PTPRT: variants seen among roughly 807,000 people sequenced by gnomAD.
PTPRT encodes the protein receptor-type tyrosine-protein phosphatase T.
Under a neutral mutation model 176.8 loss-of-function variants are expected in PTPRT, and 56 were observed. The ratio of observed to expected loss-of-function variants is 0.32; its 90% confidence interval spans 0.26 to 0.40. PTPRT has a LOEUF of 0.40. Among genes scored for constraint, PTPRT ranks in the 10% least tolerant of loss-of-function variants. PTPRT has a pLI of 1.00. For synonymous variants in PTPRT, 783 were observed against 739.0 expected, an observed-to-expected ratio of 1.06 and a Z score of -0.96; for missense variants, 1,540 against 1,908.2, an observed-to-expected ratio of 0.81 and a Z score of 3.60.
At chr20:42,503,731 G>T (rs1411719590) in intron 7 of PTPRT, among the ~76,000 whole-genome samples, 1 of 151,808 alleles carries the variant, frequency 6.6e-6, no homozygotes, top group Non-Finnish European at 1.5e-5. Flanking sequence ...CTAGTTATTT[G>T]TCTACTTTGT....
intron 7 of PTPRT, among the ~76,000 whole-genome samples, chr20:42,535,642 A>G (rs1355621826): frequency 6.6e-6 from 1 of 152,154 alleles, no homozygotes; most frequent in East Asian, 1.9e-4. Context: ...ACTTTTGGGG[A>G]ATAAAAGGGC....
chr20:42,640,660 G>T (rs573694913), intron 7 of PTPRT, among the ~76,000 whole-genome samples: 1 of 152,040 alleles, frequency 6.6e-6, no homozygotes, highest in Non-Finnish European at 1.5e-5. Flanking sequence ...TACCTGCCAT[G>T]CCACCCAGCG....
chr20:42,531,102 G>A (rs1453011220), intron 7 of PTPRT, among the ~76,000 whole-genome samples: 1 of 152,204 alleles, frequency 6.6e-6, no homozygotes, highest in Non-Finnish European at 1.5e-5. Context: ...TTGTAATCCT[G>A]TCAAGTTGGC....
intron 1 of PTPRT, among the ~76,000 whole-genome samples, chr20:43,036,474 A>T (rs930915632): frequency 2.0e-5 from 3 of 152,214 alleles, no homozygotes. Flanking sequence ...GGGAGGAATA[A>T]CTGTCCTCAA....
At chr20:42,278,680 C>T (rs1218699984) in intron 13 of PTPRT, among the ~76,000 whole-genome samples, 1 of 152,170 alleles carries the variant, frequency 6.6e-6, no homozygotes, top group African/African-American at 2.4e-5. Flanking sequence ...ACAATTTTCC[C>T]TTGGCCTGCT....
chr20:42,555,462 C>G (rs970889394), intron 7 of PTPRT, among the ~76,000 whole-genome samples: 2 of 152,086 alleles, frequency 1.3e-5, no homozygotes, highest in Non-Finnish European at 2.9e-5. Flanking sequence ...AATAAAGCAG[C>G]AATCACGGCA....
intron 16 of PTPRT, among the ~76,000 whole-genome samples, chr20:42,170,222 A>C: frequency 6.6e-6 from 1 of 152,218 alleles, no homozygotes; most frequent in East Asian, 1.9e-4. Context: ...ATTCATGGGC[A>C]TCTCATTCAA....
rs1057358688 is a variant in PTPRT at position 42,605,123 on chromosome 20, G to C, written c.1153+72743C>G. Among the ~76,000 whole-genome samples the C allele has an allele frequency of 6.6e-5, 10 of 152,222 alleles. 1 individual carries two copies. The highest frequency in any genetic ancestry group is 2.4e-4 in the African/African-American group (10 of 41,462). On this transcript the variant is annotated intron_variant, in intron 7 of 30. Transcript: ENST00000373187. ...GCACTACAGGGAGAGGCACATGCAA[G>C]GCACAGGCCTCTATGAATGCCTGAG...
intron 1 of PTPRT, among the ~76,000 whole-genome samples, chr20:43,114,571 A>G (rs779561574): frequency 4.6e-5 from 7 of 152,246 alleles, no homozygotes; most frequent in East Asian, 3.8e-4. Context: ...TAAAATACAT[A>G]GAGTTTGAGA....
intron 1 of PTPRT, among the ~76,000 whole-genome samples, chr20:43,113,766 A>G (rs1473204169): frequency 6.6e-6 from 1 of 152,234 alleles, no homozygotes; most frequent in Non-Finnish European, 1.5e-5. Flanking sequence ...GGAGGGAAGG[A>G]AACATGCCAC....
At chr20:42,827,420 T>C (rs208234) in intron 2 of PTPRT, among the ~76,000 whole-genome samples, 107,262 of 152,076 alleles carry the variant, frequency 0.71, 38,016 homozygotes, top group East Asian at 0.83. Flanking sequence ...CATGCAATTT[T>C]ATGAAAATTA....
chr20:42,274,785 T>C (rs995922050), intron 13 of PTPRT, among the ~76,000 whole-genome samples: 1 of 152,122 alleles, frequency 6.6e-6, no homozygotes, highest in Admixed American at 6.6e-5. Context: ...TGAAGAAAGT[T>C]GAGGATTTCT....
intron 9 of PTPRT, among the ~76,000 whole-genome samples, chr20:42,434,176 C>T (rs2059240662): frequency 6.6e-6 from 1 of 152,094 alleles, no homozygotes; most frequent in Admixed American, 6.5e-5. Flanking sequence ...ATTTCCACTC[C>T]CTATTTTTCT....
intron 7 of PTPRT, among the ~76,000 whole-genome samples, chr20:42,561,771 G>T (rs564750067): frequency 9.9e-5 from 15 of 152,186 alleles, no homozygotes; most frequent in Non-Finnish European, 2.1e-4. Flanking sequence ...AGTTCACACT[G>T]ACACGCACCG....
chr20:42,984,307 C>T (rs1983446821), intron 1 of PTPRT, among the ~76,000 whole-genome samples: 1 of 152,192 alleles, frequency 6.6e-6, no homozygotes, highest in Non-Finnish European at 1.5e-5. Flanking sequence ...CTGGAATTGA[C>T]AGACCATATA....
At chr20:42,273,461 C>T (rs1474498034) in intron 13 of PTPRT, among the ~76,000 whole-genome samples, 2 of 152,132 alleles carry the variant, frequency 1.3e-5, no homozygotes, top group East Asian at 1.9e-4. Context: ...GTGATCCACC[C>T]GCCTCAGCCT....
At chr20:42,503,945 G>A (rs1300354336) in intron 7 of PTPRT, among the ~76,000 whole-genome samples, 1 of 151,900 alleles carries the variant, frequency 6.6e-6, no homozygotes, top group African/African-American at 2.4e-5. Context: ...ACCTTATGAG[G>A]GAATCCTACC....
chr20:42,599,127 A>C (rs1441609796), intron 7 of PTPRT, among the ~76,000 whole-genome samples: 1 of 152,156 alleles, frequency 6.6e-6, no homozygotes, highest in East Asian at 1.9e-4. Context: ...CCGGAAGTGG[A>C]AAGGACAGAA....
intron 15 of PTPRT, among the ~76,000 whole-genome samples, chr20:42,228,940 C>G (rs1019081449): frequency 6.6e-6 from 1 of 152,090 alleles, no homozygotes; most frequent in African/African-American, 2.4e-5. Flanking sequence ...ATAAATGCAA[C>G]GACAAAGATA....
Sources: allele counts gnomAD v4.1 joint callset (sites outside exome capture counted in the v4.1 genomes callset), GRCh38; gene constraint gnomAD v4.1.1; transcripts MANE v1.5; gene names NCBI Gene and HGNC (gene_info 2026-07-23, HGNC 2026-07-21).